Variants in SSC5D observed in about 807,000 individuals in gnomAD.
SSC5D encodes scavenger receptor cysteine rich family member with 5 domains.
In SSC5D, 106 loss-of-function variants were observed where a neutral mutation model predicts 104.6. The ratio of observed to expected loss-of-function variants is 1.01; its 90% CI spans 0.87 to 1.19. The LOEUF (loss-of-function observed/expected upper bound fraction) is 1.19. Ranked by LOEUF, SSC5D falls within the 50% of genes most tolerant of loss-of-function variation. The pLI is 0.00. For missense variants in SSC5D, 1,993 were observed against 2,153.8 expected, an observed-to-expected ratio of 0.93 and a Z score of 1.48; for synonymous variants, 860 against 883.5, an observed-to-expected ratio of 0.97 and a Z score of 0.47.
In SSC5D at chr19:55,517,877, A is replaced by G. The variant is rs1987910513; in HGVS notation, c.3601A>G (p.Thr1201Ala). ...CTCCACCATGATTCCTGACCCCACC[A>G]CAACCCCTCAACCCTTCACCACCAT... ...THSTMIPDPT[T>A]TPQPFTTITH... The change falls in exon 14 of 14, where the codon ACA becomes GCA. Residue 1201 changes from threonine to alanine, a missense_variant. Coordinates refer to ENST00000389623, the MANE Select transcript of SSC5D (RefSeq NM_001144950.2). 6.9e-7 allele frequency: 1 copy of G among 1,442,744 alleles called. No homozygotes were observed. The highest frequency in any genetic ancestry group is 9.2e-7 in the Non-Finnish European group (1 of 1,087,480). 89.4% of individuals were successfully genotyped at this position (1,442,744 alleles called of 1,614,324 possible).
intron 12 of SSC5D, among the ~76,000 whole-genome samples, chr19:55,508,251 C>T (rs891337599): frequency 3.3e-5 from 5 of 152,066 alleles, no homozygotes; most frequent in Admixed American, 6.5e-5. Context: ...GCTGGGAAGC[C>T]GGGGAGACCC....
chr19:55,517,882 C>G lies in SSC5D; in HGVS notation c.3606C>G (p.Thr1202=). Residue 1202 remains threonine, a synonymous_variant, in exon 14 of 14, where the codon ACC becomes ACG. Coordinates refer to ENST00000389623, the MANE Select transcript of SSC5D (RefSeq NM_001144950.2). ...CCATGATTCCTGACCCCACCACAAC[C>G]CCTCAACCCTTCACCACCATCACTC... ...HSTMIPDPTT[T]PQPFTTITHS... 1 of 1,543,118 alleles carries G rather than the reference C, an allele frequency of 6.5e-7. No individual in the cohort carries two copies. The highest frequency in any genetic ancestry group is 8.7e-7 in the Non-Finnish European group (1 of 1,144,338).
In SSC5D at chr19:55,501,200, A is replaced by G; in HGVS notation, c.2784A>G (p.Thr928=). ...SSPAIRRLPD[T]GSKDGYKLPW... ...CAGCAATAAGGCGCCTGCCGGACAC[A>G]GGTGAGAGGCCTGATTGGGGTGGCC... Residue 928 remains threonine, a splice_region_variant and synonymous_variant, in exon 12 of 14, where the codon ACA becomes ACG. Coordinates refer to ENST00000389623, the MANE Select transcript of SSC5D (RefSeq NM_001144950.2). The G allele has an allele frequency of 1.3e-6, 2 of 1,519,746 alleles. No homozygotes were observed. Among genetic ancestry groups the G allele is most frequent in the Non-Finnish European group, 1.8e-6 (2 of 1,134,128 alleles). 94.1% of individuals were successfully genotyped at this position (1,519,746 alleles called of 1,614,324 possible).
In SSC5D at chr19:55,490,347, C is replaced by T. The variant is rs1194936426; in HGVS notation, c.525C>T (p.Pro175=). The part of the protein sequence containing the change: ...NPQNASRKKS[P]RPKQAKSTRA... ...AGAACGCCTCCCGGAAGAAGAGCCC[C>T]CGGCCCAAGCAGGCCAAGTCCACCC... Residue 175 remains proline (P), a synonymous_variant, in exon 5 of 14, where the codon CCC becomes CCT. Transcript: ENST00000389623. 3 of 1,519,194 alleles carry T rather than the reference C, an allele frequency of 2.0e-6. No homozygotes were observed. Among genetic ancestry groups the T allele is most frequent in the Non-Finnish European group, 2.7e-6 (3 of 1,122,846 alleles). 94.1% of individuals were successfully genotyped at this position (1,519,194 alleles called of 1,614,324 possible). A position where few individuals can be genotyped will look rare whatever the true frequency, so the allele number is the denominator to read the frequency against.
At chr19:55,504,616 G>A (rs1242142149) in intron 12 of SSC5D, among the ~76,000 whole-genome samples, 1 of 152,160 alleles carries the variant, frequency 6.6e-6, no homozygotes, top group East Asian at 1.9e-4. Context: ...TTCTCCTGCT[G>A]CAGCCTCCTG....
Position 55,517,463 on chromosome 19 carries a change from A to G in SSC5D, c.3187A>G (p.Ile1063Val). 6.4e-7 allele frequency: 1 copy of G among 1,550,838 alleles called. No individual in the cohort carries two copies. The highest frequency in any genetic ancestry group is 8.7e-7 in the Non-Finnish European group (1 of 1,146,892). Residue 1063 changes from isoleucine to valine, a missense_variant, in exon 14 of 14, where the codon ATC becomes GTC. Physicochemically the swap from Ile to Val is conservative, Grantham distance 29. Around this residue, in one of 6 missense-constraint regions of SSC5D, gnomAD observed 423 missense variants for 409.2 expected, o/e 1.03. Transcript: ENST00000389623. Reference protein sequence around the residue: ...DPASRTNPDLILTSPDFALST... With the variant: ...DPASRTNPDLVLTSPDFALST... ...GGCCTCCCGGACGAACCCCGACCTC[A>G]TCTTGACAAGCCCTGACTTTGCTTT...
chr19:55,508,339 T>C (rs1024823670), intron 12 of SSC5D, among the ~76,000 whole-genome samples: 3 of 152,072 alleles, frequency 2.0e-5, no homozygotes, highest in Non-Finnish European at 4.4e-5. Context: ...AAATATGAGA[T>C]TAACTTTAGA....
chr19:55,490,718 G>T, intron 5 of SSC5D, 54 bp from the exon 6 acceptor site: 19 of 1,436,052 alleles, frequency 1.3e-5, no homozygotes, highest in Non-Finnish European at 1.7e-5. Flanking sequence ...CGAGGAAGGG[G>T]TGTTTGAATC....
At chr19:55,511,665 C>G (rs1987759019) in intron 12 of SSC5D, among the ~76,000 whole-genome samples, 2 of 152,148 alleles carry the variant, frequency 1.3e-5, no homozygotes, top group South Asian at 4.1e-4. Flanking sequence ...CAAACCTGCC[C>G]TCCTAACTCA....
intron 12 of SSC5D, among the ~76,000 whole-genome samples, chr19:55,504,476 C>G (rs115520200): frequency 1.3e-5 from 2 of 152,068 alleles, no homozygotes; most frequent in African/African-American, 2.4e-5. Context: ...CTCTTTGAGT[C>G]CCCGTTTCTT....
At position 55,500,310 on chromosome 19, in the gene SSC5D, C is replaced by T; in HGVS notation, c.2200C>T (p.Pro734Ser). 6.4e-7 allele frequency: 1 copy of T among 1,551,596 alleles called. No homozygotes were observed. ...CTCTGAGTCCACTATCAAGAGTATCCCTCAGGCCTCCCTGGAGCCATCTGC... is the reference window on the plus strand; with the variant it reads ...CTCTGAGTCCACTATCAAGAGTATCTCTCAGGCCTCCCTGGAGCCATCTGC... ...MTSESTIKSI[P>S]QASLEPSAEI... The change falls in exon 10 of 14, where the codon CCT becomes TCT. Residue 734 changes from proline to serine, a missense_variant. Around this residue, in one of 6 missense-constraint regions of SSC5D, gnomAD observed 1,101 missense variants for 1,085.0 expected, o/e 1.01. Transcript: ENST00000389623. The surrounding 1 kb of genome is among the most constrained non-coding windows in gnomAD (Gnocchi z 4.6).
chr19:55,489,022 C>A lies in SSC5D; in HGVS notation c.42C>A (p.Ile14=). Residue 14 remains isoleucine, a synonymous_variant, in exon 2 of 14, where the codon ATC becomes ATA. Coordinates refer to ENST00000389623, the MANE Select transcript of SSC5D (RefSeq NM_001144950.2). ...LACLLAALVG[I]QAVERLRLAD... is the part of the protein sequence containing the mutation. ...CCCTTCCAGCGGCCCTGGTGGGGAT[C>A]CAGGCTGTTGGTAAGTGCCCAGACT... is the stretch of plus-strand genomic sequence containing the variant. 6.7e-7 allele frequency: 1 copy of A among 1,496,432 alleles called. No homozygotes were observed. Among genetic ancestry groups the A allele is most frequent in the Non-Finnish European group, 8.9e-7 (1 of 1,123,374 alleles). The allele number at this position is 1,496,432 out of a possible 1,614,324, so 92.7% of individuals were successfully genotyped here.
Position 55,489,667 on chromosome 19 carries a change from G to GGACA in SSC5D, c.361+6_361+9dup. The stretch of plus-strand genomic sequence containing the variant: ...ACGCGGGCGTCGTCTGCGCAGGTGA[G>GGACA]GACACCCTGGCTGCTCCTTCAGGGG... On this transcript the variant is annotated splice_donor_region_variant and intron_variant, in intron 3 of 13. Coordinates refer to ENST00000389623, the MANE Select transcript of SSC5D (RefSeq NM_001144950.2). 1 of 1,530,978 alleles carries GGACA rather than the reference G, an allele frequency of 6.5e-7. No individual in the cohort carries two copies. The highest frequency in any genetic ancestry group is 8.7e-7 in the Non-Finnish European group (1 of 1,143,294). The allele number at this position is 1,530,978 out of a possible 1,614,324, so 94.8% of individuals were successfully genotyped here. A position where few individuals can be genotyped will look rare whatever the true frequency, so the allele number is the denominator to read the frequency against.
chr19:55,488,716 T>C (rs2123424413), intron 1 of SSC5D, 102 bp downstream of exon 1: 1 of 1,047,342 alleles, frequency 9.5e-7, no homozygotes, highest in Non-Finnish European at 1.4e-6. Flanking sequence ...GACTGGTCGC[T>C]GGTGCTCCTG....
At position 55,493,917 on chromosome 19, in the gene SSC5D, G is replaced by C; in HGVS notation, c.1213+5G>C. ...ACGCCGGGGCCGTGTGTGACGGTGA[G>C]GGGGTTGTGGTGGAGGACCGGGAGG... On this transcript the variant is annotated splice_donor_5th_base_variant and intron_variant, in intron 7 of 13. Coordinates refer to ENST00000389623, the MANE Select transcript of SSC5D (RefSeq NM_001144950.2). 4.5e-6 allele frequency: 7 copies of C among 1,540,142 alleles called. No homozygotes were observed. The highest frequency in any genetic ancestry group is 6.1e-6 in the Non-Finnish European group (7 of 1,145,864).
rs1599919366 is a variant in SSC5D at position 55,498,175 on chromosome 19, G to A, written c.1683G>A (p.Glu561=). 1 of 1,551,762 alleles carries A rather than the reference G, an allele frequency of 6.4e-7. No homozygotes were observed. The highest frequency in any genetic ancestry group is 2.4e-5 in the East Asian group (1 of 40,930). ...GAAAGCACAACTGCGCTCACAATGA[G>A]GATGTTGGGGTCACCTGCACTGGTA... ...PWGKHNCAHN[E]DVGVTCTGPP... The change falls in exon 9 of 14, where the codon GAG becomes GAA. Residue 561 remains glutamate (E), a synonymous_variant. Transcript: ENST00000389623.
chr19:55,505,836 A>G (rs1207886661), intron 12 of SSC5D, among the ~76,000 whole-genome samples: 1 of 151,752 alleles, frequency 6.6e-6, no homozygotes, highest in Non-Finnish European at 1.5e-5. Context: ...GCCCAGGTTC[A>G]AGCAATTCTT....
Position 55,499,808 on chromosome 19 carries a change from C to T in SSC5D, c.1706-8C>T. The T allele has an allele frequency of 6.5e-7, 1 of 1,547,516 alleles. No homozygotes were observed. Among genetic ancestry groups the T allele is most frequent in the Non-Finnish European group, 8.7e-7 (1 of 1,144,014 alleles). On this transcript the variant is annotated splice_polypyrimidine_tract_variant and splice_region_variant and intron_variant, in intron 9 of 13. Transcript: ENST00000389623. ...CTGTCTTCTCTTCCTGCCCCACTCA[C>T]CTTCCAGGGCCCCCAGGCCTGGACT...
chr19:55,513,810 C>T (rs1053376166), intron 13 of SSC5D, among the ~76,000 whole-genome samples: 1 of 152,052 alleles, frequency 6.6e-6, no homozygotes, highest in Non-Finnish European at 1.5e-5. Context: ...ACAATAGTAC[C>T]GAGGTTGAGA....
Sources: gnomAD v4.1 joint callset for allele counts (sites outside exome capture counted in the v4.1 genomes callset) on GRCh38, gnomAD v4.1.1 for gene constraint, gnomAD v4.1.1 regional missense constraint, Gnocchi (gnomAD v3.1) non-coding constraint, MANE v1.5 for transcripts, NCBI Gene and HGNC (gene_info 2026-07-23, HGNC 2026-07-21) for gene names.